The following SCARA3 variants were observed in gnomAD, a reference collection of about 807,000 sequenced individuals.
The protein encoded by SCARA3 is cellular stress response gene protein.
Under a neutral mutation model 47.0 loss-of-function variants are expected in SCARA3, and 39 were observed. The observed-to-expected ratio is 0.83, with a 90% CI of 0.64 to 1.08. The LOEUF is 1.08. SCARA3 is among the 50% of genes least tolerant of loss of function. SCARA3 has a pLI of 0.00. For missense variants in SCARA3, 724 were observed against 792.3 expected (o/e 0.91, Z 1.04); for synonymous variants, 356 against 334.1 (o/e 1.07, Z -0.71).
At chr8:27,724,153 T>C in the SCARA3 span, among the ~76,000 whole-genome samples, 2 of 152,238 alleles carry the variant, frequency 1.3e-5, no homozygotes, top group East Asian at 1.9e-4. Context: ...CTTTATGTTA[T>C]TTAGAAAATA....
At chr8:27,695,999 G>C in the SCARA3 span, among the ~76,000 whole-genome samples, 1 of 151,662 alleles carries the variant, frequency 6.6e-6, no homozygotes, top group Non-Finnish European at 1.5e-5. Context: ...CTCAAAACTA[G>C]GAATAAAGAT....
In SCARA3 at chr8:27,659,423, G is replaced by A; in HGVS notation, c.1253G>A (p.Ser418Asn). Reference protein sequence around the residue: ...GTTDLLRERFSLLSARLDLNV... With the variant: ...GTTDLLRERFNLLSARLDLNV... ...ACAGACCTGCTCCGGGAGCGCTTCA[G>A]CCTGCTCAGTGCCCGGCTGGACCTC... The change falls in exon 5 of 6, where the codon AGC (serine) becomes AAC (asparagine). Residue 418 changes from serine (S) to asparagine (N), a missense_variant. Physicochemically the swap from Ser to Asn is conservative, Grantham distance 46. Transcript: ENST00000301904. 6.2e-7 allele frequency: 1 copy of A among 1,613,852 alleles called. No individual in the cohort carries two copies. Among genetic ancestry groups the A allele is most frequent in the Non-Finnish European group, 8.5e-7 (1 of 1,179,888 alleles).
chr8:27,708,637 G>GATATGA, the SCARA3 span, among the ~76,000 whole-genome samples: 1 of 151,544 alleles, frequency 6.6e-6, no homozygotes, highest in East Asian at 1.9e-4. Flanking sequence ...GTGGGTTAGC[G>GATATGA]GACAGTTTCA....
At chr8:27,660,654 A>AGATC (rs138966690) in intron 5 of SCARA3, among the ~76,000 whole-genome samples, 2,445 of 149,910 alleles carry the variant, frequency 0.016, 36 homozygotes, top group South Asian at 0.031. Context: ...ATAGATAGAT[A>AGATC]GATCTAGAGA....
At chr8:27,660,112 G>C (rs1435973458) in intron 5 of SCARA3, among the ~76,000 whole-genome samples, 1 of 151,678 alleles carries the variant, frequency 6.6e-6, no homozygotes, top group Non-Finnish European at 1.5e-5. Context: ...CTCTGCCCCT[G>C]GAGGCTGTCA....
At chr8:27,645,063 C>G (rs932317622) in intron 1 of SCARA3, among the ~76,000 whole-genome samples, 3 of 152,168 alleles carry the variant, frequency 2.0e-5, no homozygotes, top group Non-Finnish European at 1.5e-5. Context: ...CTTTGCAGTT[C>G]AAACACCAGC....
Position 27,671,753 on chromosome 8 carries a change from G to T in SCARA3, c.*402G>T. The T allele has an allele frequency of 9.9e-7, 1 of 1,010,688 alleles. No individual in the cohort carries two copies. Among genetic ancestry groups the T allele is most frequent in the Non-Finnish European group, 1.2e-6 (1 of 847,026 alleles). The allele number at this position is 1,010,688 out of a possible 1,614,324, so 62.6% of individuals were successfully genotyped here. A position where few individuals can be genotyped will look rare whatever the true frequency, so the allele number is the denominator to read the frequency against. On this transcript the variant is annotated 3_prime_UTR_variant, in exon 6 of 6. Transcript: ENST00000301904. ...ACACACATGCACACATATATGCACA[G>T]GCACACACATGTACGCACACACACA...
chr8:27,659,172 CG>C lies in SCARA3; in HGVS notation c.1003del (p.Ala335ProfsTer65). The C allele has an allele frequency of 6.2e-7, 1 of 1,614,158 alleles. No homozygotes were observed. The highest frequency in any genetic ancestry group is 2.2e-5 in the East Asian group (1 of 44,868). On this transcript the variant is annotated frameshift_variant, in exon 5 of 6. Coordinates refer to ENST00000301904, the MANE Select transcript of SCARA3 (RefSeq NM_016240.3). LOFTEE classifies it high-confidence loss of function. ...MHDLQYHTHY[A>X]QNRTVERFES... ...ATGATCTTCAGTACCATACCCACTA[CG>C]CCCAGAACCGCACTGTGGAGAGGTT...
At chr8:27,683,943 C>T in the SCARA3 span, among the ~76,000 whole-genome samples, 1 of 151,952 alleles carries the variant, frequency 6.6e-6, no homozygotes, top group African/African-American at 2.4e-5. Flanking sequence ...AAGCTAGACA[C>T]AAAGAGAATC....
the SCARA3 span, among the ~76,000 whole-genome samples, chr8:27,708,636 C>T: frequency 7.3e-5 from 11 of 151,498 alleles, no homozygotes; most frequent in East Asian, 3.9e-4. Flanking sequence ...GGTGGGTTAG[C>T]GGACAGTTTC....
the SCARA3 span, among the ~76,000 whole-genome samples, chr8:27,706,237 A>G: frequency 6.6e-6 from 1 of 152,016 alleles, no homozygotes; most frequent in Non-Finnish European, 1.5e-5. Context: ...CTCACTGCAA[A>G]CTCTGCCTCC....
downstream of SCARA3, among the ~76,000 whole-genome samples, chr8:27,676,340 C>T (rs2128925140): frequency 6.6e-6 from 1 of 152,320 alleles, no homozygotes; most frequent in Admixed American, 6.5e-5. Flanking sequence ...TCGTTACTAA[C>T]ACCACCAGTG....
chr8:27,681,097 G>C (rs1228420871), downstream of SCARA3, among the ~76,000 whole-genome samples: 1 of 152,104 alleles, frequency 6.6e-6, no homozygotes, highest in Non-Finnish European at 1.5e-5. Context: ...CAAGAGTATT[G>C]ACTCTTACAA....
the SCARA3 span, among the ~76,000 whole-genome samples, chr8:27,683,898 TG>T: frequency 6.6e-6 from 1 of 151,714 alleles, no homozygotes; most frequent in African/African-American, 2.4e-5. Context: ...AGGAATGACA[TG>T]AAAAAAACTC....
intron 5 of SCARA3, among the ~76,000 whole-genome samples, chr8:27,669,240 A>G (rs1232438795): frequency 6.6e-6 from 1 of 152,140 alleles, no homozygotes; most frequent in African/African-American, 2.4e-5. Flanking sequence ...TGAGCACGCA[A>G]TTTTGTGGAT....
chr8:27,709,273 G>T, the SCARA3 span, among the ~76,000 whole-genome samples: 2 of 152,164 alleles, frequency 1.3e-5, no homozygotes, highest in Non-Finnish European at 2.9e-5. Flanking sequence ...TTACCTGAGG[G>T]ATTTTTACAA....
At chr8:27,709,917 G>C in the SCARA3 span, among the ~76,000 whole-genome samples, 2 of 152,128 alleles carry the variant, frequency 1.3e-5, no homozygotes, top group Non-Finnish European at 2.9e-5. Flanking sequence ...GGATCCCCAG[G>C]TCAGCAGATT....
downstream of SCARA3, chr8:27,676,625 G>T (rs1315157469): frequency 3.8e-6 from 5 of 1,313,816 alleles, no homozygotes; most frequent in Non-Finnish European, 5.5e-6. Context: ...TAAAGCCCAG[G>T]ATGACCAAGA....
intron 1 of SCARA3, among the ~76,000 whole-genome samples, chr8:27,642,948 G>A (rs1323995789): frequency 6.6e-6 from 1 of 152,216 alleles, no homozygotes; most frequent in African/African-American, 2.4e-5. Context: ...AGATCAGTGT[G>A]TAAGTAATGG....
Sources: gnomAD v4.1 joint callset for allele counts (sites outside exome capture counted in the v4.1 genomes callset) on GRCh38, gnomAD v4.1.1 for gene constraint, MANE v1.5 for transcripts, NCBI Gene and HGNC (gene_info 2026-07-23, HGNC 2026-07-21) for gene names.